Variants in SPEF2 observed in about 807,000 individuals in gnomAD.
SPEF2 encodes sperm flagella and cilia-associated protein 2.
In SPEF2, 187 loss-of-function variants were observed where a neutral mutation model predicts 224.6. The observed-to-expected ratio is 0.83, with a 90% CI of 0.74 to 0.94. The LOEUF is 0.94. Among genes scored for constraint, SPEF2 ranks in the 40% least tolerant of loss-of-function variants. The pLI is 0.00. For missense variants in SPEF2, 2,170 were observed against 2,135.6 expected (o/e 1.02, Z -0.32); for synonymous variants, 715 against 707.3 (o/e 1.01, Z -0.17).
In SPEF2 at chr5:35,646,803, C is replaced by T. The variant is rs750699492; in HGVS notation, c.722C>T (p.Ala241Val). The change falls in exon 5 of 37, where the codon GCA (alanine) becomes GTA (valine). Residue 241 changes from alanine to valine, a missense_variant. Coordinates refer to ENST00000356031, the MANE Select transcript of SPEF2 (RefSeq NM_024867.4). Reference sequence around the variant, plus strand: ...AAAATGATGAAAAAGAAAAAAGAGGCAGAAGTAAGTGATAATCCTTTAATA... The same window carrying T: ...AAAATGATGAAAAAGAAAAAAGAGGTAGAAGTAAGTGATAATCCTTTAATA... ...AQKMMKKKKEAEDVADEIKKF... is the reference protein window; with the variant it reads ...AQKMMKKKKEVEDVADEIKKF... 52 of 1,613,384 alleles carry T rather than the reference C, an allele frequency of 3.2e-5. No individual in the cohort carries two copies. In the Middle Eastern group the frequency reaches 8.3e-4, roughly 26 times the overall value.
intron 10 of SPEF2, among the ~76,000 whole-genome samples, chr5:35,677,723 A>T (rs1439584794): frequency 6.6e-6 from 1 of 152,174 alleles, no homozygotes; most frequent in South Asian, 2.1e-4. Context: ...TCAGAGTGCT[A>T]ATCAGAAGCC....
At chr5:35,793,727 A>AACAC (rs374573342) in intron 32 of SPEF2, among the ~76,000 whole-genome samples, 1,349 of 100,846 alleles carry the variant, frequency 0.013, 20 homozygotes, top group African/African-American at 0.039. Context: ...CAGTGGTTAA[A>AACAC]ACACACACAC....
At chr5:35,694,439 A>G (rs1213497247) in intron 13 of SPEF2, 76 bp downstream of exon 13, 2 of 1,297,276 alleles carry the variant, frequency 1.5e-6, no homozygotes, top group Non-Finnish European at 2.2e-6. Flanking sequence ...GTGAGCACAA[A>G]CATGCTTTCA....
Position 35,709,014 on chromosome 5 carries a change from T to A in SPEF2, c.2732T>A (p.Leu911His). The A allele has an allele frequency of 6.2e-7, 1 of 1,613,768 alleles. No individual in the cohort carries two copies. Among genetic ancestry groups the A allele is most frequent in the Non-Finnish European group, 8.5e-7 (1 of 1,179,902 alleles). ...KAAASLAELPLPTPPPAPPPE... is the reference protein window; with the variant it reads ...KAAASLAELPHPTPPPAPPPE... ...GCAGCTTCCCTGGCTGAGCTTCCACTTCCTACACCTCCTCCTGCTCCTCCT... is the reference window on the plus strand; with the variant it reads ...GCAGCTTCCCTGGCTGAGCTTCCACATCCTACACCTCCTCCTGCTCCTCCT... The change falls in exon 19 of 37, where the codon CTT becomes CAT. Residue 911 changes from leucine to histidine, a missense_variant. Transcript: ENST00000356031.
intron 1 of SPEF2, among the ~76,000 whole-genome samples, chr5:35,623,153 G>T (rs1451390268): frequency 6.6e-6 from 1 of 152,146 alleles, no homozygotes; most frequent in Non-Finnish European, 1.5e-5. Flanking sequence ...AGGTGTTTTT[G>T]AGGAGGGTTC....
intron 19 of SPEF2, chr5:35,710,298 C>T: frequency 1.0e-6 from 1 of 965,536 alleles, no homozygotes; most frequent in Non-Finnish European, 1.2e-6. Context: ...TGGCTCATCC[C>T]TGTAATCCCA....
chr5:35,628,414 C>T (rs201579392), intron 1 of SPEF2, 46 bp from the exon 2 acceptor site: 25 of 1,288,400 alleles, frequency 1.9e-5, no homozygotes, highest in South Asian at 9.7e-5. Flanking sequence ...TAGCTCTATG[C>T]GCAACATTGT....
At position 35,695,872 on chromosome 5, in the gene SPEF2, G is replaced by A. The variant is rs114523758; in HGVS notation, c.2037+76G>A. ...ATTAATGGTGTTTTGGAGTGTCTTC[G>A]AATGCAATGAAATTGCAATGTGCTC... On this transcript the variant is annotated intron_variant, in intron 14 of 36. Coordinates refer to ENST00000356031, the MANE Select transcript of SPEF2 (RefSeq NM_024867.4). 2,186 of 1,115,752 alleles carry A rather than the reference G, an allele frequency of 2.0e-3. 26 individuals carry two copies. The African/African-American group carries it at 0.031, about 16-fold the overall frequency. The allele number at this position is 1,115,752 out of a possible 1,614,324, so 69.1% of individuals were successfully genotyped here. A position where few individuals can be genotyped will look rare whatever the true frequency, so the allele number is the denominator to read the frequency against.
At chr5:35,671,338 TG>T in intron 10 of SPEF2, 1 of 946,666 alleles carries the variant, frequency 1.1e-6, no homozygotes, top group Non-Finnish European at 1.3e-6. Flanking sequence ...AGAAATTAAA[TG>T]TATACTATAT....
chr5:35,777,816 G>A (rs1290829655), intron 29 of SPEF2, among the ~76,000 whole-genome samples: 1 of 151,894 alleles, frequency 6.6e-6, no homozygotes, highest in Non-Finnish European at 1.5e-5. Flanking sequence ...TAGGTGGCGC[G>A]CATCTGTTTT....
chr5:35,620,477 C>T (rs1198287501), intron 1 of SPEF2, among the ~76,000 whole-genome samples: 4 of 152,098 alleles, frequency 2.6e-5, no homozygotes, highest in Admixed American at 2.6e-4. Flanking sequence ...AAATGTAAAG[C>T]ATTTAAAATA....
In SPEF2 at chr5:35,776,334, G is replaced by T. The variant is rs199611608; in HGVS notation, c.4156G>T (p.Val1386Phe). 429 of 1,612,972 alleles carry T rather than the reference G, an allele frequency of 2.7e-4. No homozygotes were observed. Among genetic ancestry groups the T allele is most frequent in the Non-Finnish European group, 3.5e-4 (416 of 1,179,510 alleles). ...TCTTGAAGATTTAGTAACAAAGGTG[G>T]TTGATGTATATAAACTCATGGAAAA... ...ALLEDLVTKVVDVYKLMEKWL... is the reference protein window; with the variant it reads ...ALLEDLVTKVFDVYKLMEKWL... Residue 1386 changes from valine to phenylalanine, a missense_variant, in exon 29 of 37, where the codon GTT becomes TTT. Physicochemically the swap from Val to Phe is conservative, Grantham distance 50 (BLOSUM62 -1). Transcript: ENST00000356031.
At chr5:35,776,178 G>T in intron 28 of SPEF2, 79 bp from the exon 29 acceptor site, 1 of 1,396,094 alleles carries the variant, frequency 7.2e-7, no homozygotes, top group South Asian at 1.5e-5. Flanking sequence ...AAGCACCAGT[G>T]GTTTCAAAGT....
chr5:35,736,075 C>A (rs1284986444), intron 21 of SPEF2, among the ~76,000 whole-genome samples: 2 of 152,082 alleles, frequency 1.3e-5, no homozygotes, highest in African/African-American at 4.8e-5. Context: ...AAAAAATAAG[C>A]CTTATTTCTC....
Position 35,759,560 on chromosome 5 carries a change from T to C in SPEF2, c.3469-8T>C, listed in dbSNP as rs1469592602. ...CTTGGATATTAACATTCACATTTGC[T>C]ATTAAAGGCAGAGCTGAACCGTTTC... On this transcript the variant is annotated splice_polypyrimidine_tract_variant and splice_region_variant and intron_variant, in intron 24 of 36. Coordinates refer to ENST00000356031, the MANE Select transcript of SPEF2 (RefSeq NM_024867.4). 6.4e-7 allele frequency: 1 copy of C among 1,561,816 alleles called. No homozygotes were observed.
chr5:35,783,054 T>C (rs968955005), intron 30 of SPEF2, among the ~76,000 whole-genome samples: 4 of 152,186 alleles, frequency 2.6e-5, no homozygotes, highest in African/African-American at 7.2e-5. Flanking sequence ...ATAAGAACAG[T>C]ATGAGTAAAA....
chr5:35,641,486 C>G lies in SPEF2; in HGVS notation c.217C>G (p.Leu73Val). ...FSRLEPTLNL[L>V]GVQFDQNVAH... Reference sequence around the variant, plus strand: ...TCGCTTGGAGCCAACACTTAACCTTCTGGGTGTGCAGTTTGATCAGAATGT... The same window carrying G: ...TCGCTTGGAGCCAACACTTAACCTTGTGGGTGTGCAGTTTGATCAGAATGT... Residue 73 changes from leucine to valine, a missense_variant, in exon 3 of 37, where the codon CTG becomes GTG. By Grantham distance (32) the Leu-to-Val change is conservative. Transcript: ENST00000356031. 6.2e-7 allele frequency: 1 copy of G among 1,613,808 alleles called. No homozygotes were observed. The highest frequency in any genetic ancestry group is 1.1e-5 in the South Asian group (1 of 91,068).
At chr5:35,664,896 A>G (rs1451581507) in intron 8 of SPEF2, among the ~76,000 whole-genome samples, 1 of 151,858 alleles carries the variant, frequency 6.6e-6, no homozygotes, top group Non-Finnish European at 1.5e-5. Flanking sequence ...CAATTTTTTG[A>G]GCGTTTTTGT....
At chr5:35,702,204 A>G (rs6874120) in intron 16 of SPEF2, 237,318 of 455,916 alleles carry the variant, frequency 0.52, 63,583 homozygotes, top group Middle Eastern at 0.57. Context: ...GTTGGGTGCA[A>G]CATGCAGTTC....
Sources: allele counts gnomAD v4.1 joint callset (sites outside exome capture counted in the v4.1 genomes callset), GRCh38; gene constraint gnomAD v4.1.1; transcripts MANE v1.5; gene names NCBI Gene and HGNC (gene_info 2026-07-23, HGNC 2026-07-21).